Variants in ZBTB20 observed in about 807,000 individuals in gnomAD.
ZBTB20 encodes the protein zinc finger and BTB domain containing 20, also known as zinc finger and BTB domain-containing protein 20.
A neutral mutation model predicts 56.9 loss-of-function variants in ZBTB20; 9 were observed. The ratio of observed to expected loss-of-function variants is 0.16; its 90% CI spans 0.10 to 0.28. The LOEUF is 0.28. ZBTB20 is among the 10% of genes least tolerant of loss of function. ZBTB20 has a pLI of 1.00. For missense variants in ZBTB20, 655 were observed against 1,003.0 expected, an observed-to-expected ratio of 0.65 and a Z score of 4.69; for synonymous variants, 417 against 420.7, an observed-to-expected ratio of 0.99 and a Z score of 0.11.
intron 7 of ZBTB20, among the ~76,000 whole-genome samples, chr3:114,499,593 A>C (rs1390810022): frequency 6.6e-6 from 1 of 152,198 alleles, no homozygotes; most frequent in African/African-American, 2.4e-5. Context: ...GTCTCTTATA[A>C]GTGACTTTGA....
At chr3:114,986,890 A>G (rs771875561) in intron 2 of ZBTB20, among the ~76,000 whole-genome samples, 4 of 152,124 alleles carry the variant, frequency 2.6e-5, no homozygotes, top group Non-Finnish European at 5.9e-5. Flanking sequence ...TCTGTAATAA[A>G]TCCTACTGCC....
At chr3:114,497,160 T>C (rs1035776767) in intron 7 of ZBTB20, among the ~76,000 whole-genome samples, 2 of 152,148 alleles carry the variant, frequency 1.3e-5, no homozygotes, top group African/African-American at 4.8e-5. Context: ...CCAAATAGCC[T>C]CTCCCTCCAT....
At chr3:114,736,852 A>C (rs1014687631) in intron 5 of ZBTB20, among the ~76,000 whole-genome samples, 1 of 152,182 alleles carries the variant, frequency 6.6e-6, no homozygotes, top group Non-Finnish European at 1.5e-5. Flanking sequence ...ACAGAGGCCA[A>C]GCAAGTCACT....
Position 115,090,735 on chromosome 3 carries a change from CTTAA to C in ZBTB20, c.-702-19325_-702-19322del, listed in dbSNP as rs966740903. ...TATAAAAAAACTTCATATATATTAA[CTTAA>C]TTAATCCTTACAATAACCTTGTGAG... On this transcript the variant is annotated intron_variant, in intron 1 of 11. Transcript: ENST00000675478. 1.7e-4 allele frequency among the ~76,000 whole-genome samples: 26 copies of C among 151,850 alleles called. No homozygotes were observed. In the East Asian group the frequency reaches 3.9e-3, roughly 23 times the overall value.
intron 4 of ZBTB20, among the ~76,000 whole-genome samples, chr3:114,847,720 C>T (rs1189551506): frequency 6.6e-6 from 1 of 152,002 alleles, no homozygotes; most frequent in African/African-American, 2.4e-5. Context: ...TCATTGGGTA[C>T]CTGGAATCTG....
chr3:114,860,891 A>T (rs1392023964), intron 4 of ZBTB20, among the ~76,000 whole-genome samples: 1 of 152,206 alleles, frequency 6.6e-6, no homozygotes, highest in Non-Finnish European at 1.5e-5. Flanking sequence ...AAAACATCTT[A>T]AGATCTGAAA....
chr3:114,746,686 G>A (rs1406134150), intron 5 of ZBTB20, among the ~76,000 whole-genome samples: 1 of 152,130 alleles, frequency 6.6e-6, no homozygotes, highest in Non-Finnish European at 1.5e-5. Flanking sequence ...TTTACTTTCT[G>A]TTATAAGGAG....
Position 114,935,872 on chromosome 3 carries a change from C to T in ZBTB20, c.-455-35530G>A, listed in dbSNP as rs138698387. 5.7e-3 allele frequency among the ~76,000 whole-genome samples: 862 copies of T among 152,314 alleles called. 4 individuals carry two copies. Among genetic ancestry groups the T allele is most frequent in the South Asian group, 0.023 (111 of 4,832 alleles). On this transcript the variant is annotated intron_variant, in intron 3 of 11. Transcript: ENST00000675478. ...GTAAAATAAAAGTCTTAACACCTAA[C>T]ACAGAGTACTCTTCTACACTCTAAA...
At chr3:115,061,346 A>C (rs2082004204) in intron 2 of ZBTB20, among the ~76,000 whole-genome samples, 1 of 152,176 alleles carries the variant, frequency 6.6e-6, no homozygotes, top group Non-Finnish European at 1.5e-5. Context: ...GATTCAGTGA[A>C]TACATACATT....
At chr3:115,014,254 G>A (rs1428239620) in intron 2 of ZBTB20, among the ~76,000 whole-genome samples, 3 of 151,632 alleles carry the variant, frequency 2.0e-5, no homozygotes, top group African/African-American at 7.3e-5. Flanking sequence ...GGCTATCAGA[G>A]GTTGGGAAAG....
chr3:114,612,819 T>C (rs1442350927), intron 6 of ZBTB20, among the ~76,000 whole-genome samples: 2 of 152,136 alleles, frequency 1.3e-5, no homozygotes, highest in Non-Finnish European at 2.9e-5. Context: ...AGAAGCATAA[T>C]GAAAGGCAAA....
At chr3:114,725,002 T>G (rs1032790106) in intron 5 of ZBTB20, among the ~76,000 whole-genome samples, 1 of 152,216 alleles carries the variant, frequency 6.6e-6, no homozygotes, top group Non-Finnish European at 1.5e-5. Flanking sequence ...TGATTCAGTT[T>G]GTAGGAGTGG....
intron 6 of ZBTB20, among the ~76,000 whole-genome samples, chr3:114,594,358 C>T (rs551576458): frequency 1.3e-5 from 2 of 151,508 alleles, no homozygotes; most frequent in South Asian, 4.2e-4. Context: ...CCTCCGCCGC[C>T]CGGGTTCAAG....
intron 3 of ZBTB20, among the ~76,000 whole-genome samples, chr3:114,973,080 G>A (rs957822699): frequency 2.6e-5 from 4 of 152,188 alleles, no homozygotes; most frequent in African/African-American, 9.7e-5. Flanking sequence ...TTGCTAAAAT[G>A]TATCTGTACA....
chr3:115,102,270 C>T (rs921895692), intron 1 of ZBTB20, among the ~76,000 whole-genome samples: 1 of 152,130 alleles, frequency 6.6e-6, no homozygotes, highest in Non-Finnish European at 1.5e-5. Flanking sequence ...CAGTCTCCTA[C>T]TTCAGGTCAC....
intron 1 of ZBTB20, among the ~76,000 whole-genome samples, chr3:115,138,398 A>C (rs1172259227): frequency 6.6e-6 from 1 of 152,098 alleles, no homozygotes; most frequent in African/African-American, 2.4e-5. Flanking sequence ...TTTTAAAAAG[A>C]TTCTATCACA....
At chr3:114,416,103 T>C (rs1248092306) in intron 7 of ZBTB20, among the ~76,000 whole-genome samples, 1 of 152,044 alleles carries the variant, frequency 6.6e-6, no homozygotes, top group Non-Finnish European at 1.5e-5. Context: ...GTATTACAGA[T>C]TGAGCCACTA....
chr3:114,598,889 T>C (rs1353590014), intron 6 of ZBTB20, among the ~76,000 whole-genome samples: 1 of 152,104 alleles, frequency 6.6e-6, no homozygotes, highest in East Asian at 1.9e-4. Flanking sequence ...CTGTCGAATT[T>C]TTGCTGCGTT....
rs149424301 is a variant in ZBTB20 at position 114,546,705 on chromosome 3, A to G, written c.-294-46314T>C. On this transcript the variant is annotated intron_variant, in intron 6 of 11. Coordinates refer to ENST00000675478, the MANE Select transcript of ZBTB20 (RefSeq NM_001348800.3). Reference sequence around the variant, plus strand: ...TATCATAATTAAGGAGATGCCCTCCACTCCCTGAAGATGTTTATAATTCTT... The same window carrying G: ...TATCATAATTAAGGAGATGCCCTCCGCTCCCTGAAGATGTTTATAATTCTT... Among the ~76,000 whole-genome samples, 586 of 152,158 alleles carry G rather than the reference A, an allele frequency of 3.9e-3. 16 individuals are homozygous for G. The highest frequency in any genetic ancestry group is 0.033 in the Admixed American group (499 of 15,264).
Sources: allele counts gnomAD v4.1 joint callset (sites outside exome capture counted in the v4.1 genomes callset), GRCh38; gene constraint gnomAD v4.1.1; transcripts MANE v1.5; gene names NCBI Gene and HGNC (gene_info 2026-07-23, HGNC 2026-07-21).